EHD4: variants seen among roughly 807,000 people sequenced by gnomAD.
EHD4 encodes EH domain containing 4.
In EHD4, 37 loss-of-function variants were observed where a neutral mutation model predicts 51.0. The observed-to-expected ratio is 0.73, with a 90% CI of 0.56 to 0.95. EHD4 has a LOEUF of 0.95. EHD4 is among the 40% of genes least tolerant of loss of function. The probability of loss-of-function intolerance (pLI) is 0.00; values close to 1 mark genes in which losing one functional copy is unlikely to be tolerated. For synonymous variants in EHD4, 297 were observed against 317.3 expected (o/e 0.94, Z 0.68); for missense variants, 632 against 733.1 (o/e 0.86, Z 1.59).
At chr15:41,968,453 C>CTTTT (rs11291085) in intron 1 of EHD4, among the ~76,000 whole-genome samples, 17 of 124,662 alleles carry the variant, frequency 1.4e-4, no homozygotes, top group South Asian at 2.4e-4. Context: ...ATCTTTACTC[C>CTTTT]TTTTTTTTTT....
intron 5 of EHD4, among the ~76,000 whole-genome samples, chr15:41,902,298 C>T: frequency 6.8e-6 from 1 of 147,428 alleles, no homozygotes; most frequent in African/African-American, 2.6e-5. Flanking sequence ...CATCCAACAA[C>T]CCACCTGTCC....
chr15:41,957,120 A>G (rs561597050), intron 1 of EHD4, among the ~76,000 whole-genome samples: 1 of 152,138 alleles, frequency 6.6e-6, no homozygotes, highest in Non-Finnish European at 1.5e-5. Context: ...CGCTTGGCCT[A>G]GGAGTTCGAG....
chr15:41,927,301 A>G (rs907043244), intron 3 of EHD4, among the ~76,000 whole-genome samples: 10 of 152,194 alleles, frequency 6.6e-5, no homozygotes, highest in Non-Finnish European at 1.3e-4. Flanking sequence ...CACTTTGGGT[A>G]TTTGTCCAAA....
At chr15:41,919,094 G>A (rs1231550895) in intron 4 of EHD4, 116 bp downstream of exon 4, 11 of 1,351,824 alleles carry the variant, frequency 8.1e-6, no homozygotes, top group African/African-American at 4.3e-5. Context: ...TTAACCTAGC[G>A]CATGTTCATT....
At chr15:41,944,255 C>T (rs959320227) in intron 2 of EHD4, among the ~76,000 whole-genome samples, 23 of 152,160 alleles carry the variant, frequency 1.5e-4, no homozygotes, top group Non-Finnish European at 8.8e-5. Context: ...CTGAGTAACT[C>T]CAAAAGTGAT....
At chr15:41,960,651 T>A (rs1312661831) in intron 1 of EHD4, among the ~76,000 whole-genome samples, 1 of 152,000 alleles carries the variant, frequency 6.6e-6, no homozygotes, top group Non-Finnish European at 1.5e-5. Context: ...AAAACTAAGT[T>A]AGGCTGATCT....
At chr15:41,969,539 T>G (rs150597443) in intron 1 of EHD4, among the ~76,000 whole-genome samples, 2,687 of 146,678 alleles carry the variant, frequency 0.018, 95 homozygotes, top group African/African-American at 0.067. Context: ...ACAGCGAAAC[T>G]GTCTCAAAAA....
chr15:41,902,955 C>T (rs1015232862), intron 5 of EHD4, among the ~76,000 whole-genome samples: 14 of 150,854 alleles, frequency 9.3e-5, no homozygotes, highest in African/African-American at 3.4e-4. Context: ...CCCTGGGGAC[C>T]CTCACTGTCT....
intron 3 of EHD4, among the ~76,000 whole-genome samples, chr15:41,923,299 G>C (rs2067639754): frequency 6.6e-6 from 1 of 152,194 alleles, no homozygotes; most frequent in Non-Finnish European, 1.5e-5. Context: ...CTGTGGTGTA[G>C]CATGTGTCAG....
intron 5 of EHD4, among the ~76,000 whole-genome samples, chr15:41,909,204 C>G (rs1024087642): frequency 3.3e-5 from 5 of 152,242 alleles, no homozygotes; most frequent in Non-Finnish European, 7.3e-5. Context: ...CCTTTAAGCA[C>G]AGTCCTCCCT....
chr15:41,942,818 G>GTTTACCCCACTCA lies in EHD4; in HGVS notation c.511+248_511+249insTGAGTGGGGTAAA, dbSNP rs386382835. On this transcript the variant is annotated intron_variant, in intron 3 of 5. Transcript: ENST00000220325. ...CCCTCACACCTCGATACCTCCCATT[G>GTTTACCCCACTCA]TTTACCCCACTCCTCATCTTCATTT... 5.2e-4 allele frequency: 144 copies of GTTTACCCCACTCA among 276,892 alleles called. No homozygotes were observed. In the African/African-American group the frequency reaches 0.012, roughly 23 times the overall value. 17.2% of individuals were successfully genotyped at this position (276,892 alleles called of 1,614,324 possible).
chr15:41,896,174 G>A lies in EHD4; in HGVS notation c.*4471C>T, dbSNP rs768644731. 1.2e-4 allele frequency: 18 copies of A among 152,196 alleles called. No homozygotes were observed. The highest frequency in any genetic ancestry group is 2.1e-4 in the Non-Finnish European group (14 of 68,080). 9.4% of individuals were successfully genotyped at this position (152,196 alleles called of 1,614,324 possible). A position where few individuals can be genotyped will look rare whatever the true frequency, so the allele number is the denominator to read the frequency against. On this transcript the variant is annotated 3_prime_UTR_variant, in exon 6 of 6. Coordinates refer to ENST00000220325, the MANE Select transcript of EHD4 (RefSeq NM_139265.4). ...TCTAGTAGGAATAGGAAGGACTTCA[G>A]GTGAGGTTTGATCCAGCAGCTCAAA...
At chr15:41,948,691 A>C (rs1003153338) in intron 2 of EHD4, among the ~76,000 whole-genome samples, 6 of 152,174 alleles carry the variant, frequency 3.9e-5, no homozygotes, top group African/African-American at 1.4e-4. Flanking sequence ...AACTTTAGTA[A>C]GTCAGTTTTT....
chr15:41,970,353 C>T (rs2067987709), intron 1 of EHD4, among the ~76,000 whole-genome samples: 1 of 152,202 alleles, frequency 6.6e-6, no homozygotes, highest in Admixed American at 6.5e-5. Flanking sequence ...TGATTCCTCC[C>T]TCACCCTAGG....
In EHD4 at chr15:41,917,835, C is replaced by T. The variant is rs372324311; in HGVS notation, c.924+1375G>A. Among the ~76,000 whole-genome samples, 4 of 152,302 alleles carry T rather than the reference C, an allele frequency of 2.6e-5. No individual in the cohort carries two copies. In the East Asian group the frequency reaches 5.8e-4, roughly 22 times the overall value. On this transcript the variant is annotated intron_variant, in intron 4 of 5. Coordinates refer to ENST00000220325, the MANE Select transcript of EHD4 (RefSeq NM_139265.4). The stretch of plus-strand genomic sequence containing the variant: ...GCTCTGGAAAGGAAGCCACTTGGAC[C>T]AGGAAGAACAGATAAAGAAGGATGA...
At chr15:41,916,077 T>C (rs1460929113) in intron 4 of EHD4, among the ~76,000 whole-genome samples, 2 of 152,240 alleles carry the variant, frequency 1.3e-5, no homozygotes, top group African/African-American at 4.8e-5. Context: ...GTTCTATAAA[T>C]AAACATACTC....
intron 3 of EHD4, among the ~76,000 whole-genome samples, chr15:41,934,318 T>G (rs1477126549): frequency 6.6e-6 from 1 of 151,394 alleles, no homozygotes; most frequent in Non-Finnish European, 1.5e-5. Context: ...AGTTTTTTTT[T>G]TTTTTTTTCA....
chr15:41,908,526 T>C (rs2067527245), intron 5 of EHD4: 1 of 152,216 alleles, frequency 6.6e-6, no homozygotes, highest in East Asian at 1.9e-4. Context: ...TAACTGGTGG[T>C]CTCTGTGTGC....
At chr15:41,947,998 T>C (rs1256936405) in intron 2 of EHD4, among the ~76,000 whole-genome samples, 1 of 133,468 alleles carries the variant, frequency 7.5e-6, no homozygotes, top group African/African-American at 2.6e-5. Context: ...GGCTCACGCC[T>C]GTAATCCCAG....
Sources: gnomAD v4.1 joint callset for allele counts (sites outside exome capture counted in the v4.1 genomes callset) on GRCh38, gnomAD v4.1.1 for gene constraint, MANE v1.5 for transcripts, NCBI Gene and HGNC (gene_info 2026-07-23, HGNC 2026-07-21) for gene names.